The following CHIC2 variants were observed in gnomAD, a reference collection of about 807,000 sequenced individuals.
CHIC2 encodes the protein cysteine-rich hydrophobic domain-containing protein 2.
A neutral mutation model predicts 25.9 loss-of-function variants in CHIC2; 14 were observed. The observed-to-expected ratio is 0.54, with a 90% confidence interval of 0.36 to 0.85. CHIC2 has a LOEUF of 0.85. Ranked by LOEUF, CHIC2 falls within the 40% of genes least tolerant of loss-of-function variation. The pLI is 0.01. For missense variants in CHIC2, 146 were observed against 202.0 expected (o/e 0.72, Z 1.68); for synonymous variants, 70 against 72.0 (o/e 0.97, Z 0.14).
At chr4:54,017,135 C>T (rs1352010069) in intron 3 of CHIC2, among the ~76,000 whole-genome samples, 1 of 151,960 alleles carries the variant, frequency 6.6e-6, no homozygotes, top group African/African-American at 2.4e-5. Context: ...ACAAGGCTGT[C>T]AGGTAGCTAT....
At chr4:54,060,165 T>G (rs568340545) in intron 1 of CHIC2, 2 of 152,164 alleles carry the variant, frequency 1.3e-5, no homozygotes, top group South Asian at 4.1e-4. Context: ...CAATAAACAC[T>G]AAGGTGTTCT....
intron 1 of CHIC2, among the ~76,000 whole-genome samples, chr4:54,058,549 TAC>T (rs35335887): frequency 0.11 from 13,775 of 126,784 alleles, 1,405 homozygotes; most frequent in African/African-American, 0.3. Context: ...CATACACACA[TAC>T]ACACACATAC....
Position 54,064,098 on chromosome 4 carries a change from G to A in CHIC2, c.119+84C>T. ...TTCGGAAGGCCCCCGACACCAGACG[G>A]ACACAGGGGAAACGGGGCTCCCGTG... On this transcript the variant is annotated intron_variant, in intron 1 of 5. Coordinates refer to ENST00000263921, the MANE Select transcript of CHIC2 (RefSeq NM_012110.4). This position sits in a 1 kb window ranked among gnomAD's most constrained non-coding sequence, Gnocchi z 4.2. 8.4e-7 allele frequency: 1 copy of A among 1,195,198 alleles called. No individual in the cohort carries two copies. The highest frequency in any genetic ancestry group is 1.2e-6 in the Non-Finnish European group (1 of 842,310). 74.0% of individuals were successfully genotyped at this position (1,195,198 alleles called of 1,614,324 possible).
intron 3 of CHIC2, among the ~76,000 whole-genome samples, chr4:54,043,662 A>G (rs1008940039): frequency 2.0e-5 from 3 of 152,172 alleles, no homozygotes; most frequent in Admixed American, 2.0e-4. Context: ...AGCACTAAAC[A>G]TGGAAAGGAA....
At chr4:54,067,406 G>A (rs1158033746), upstream of CHIC2, among the ~76,000 whole-genome samples, 5 of 151,880 alleles carry the variant, frequency 3.3e-5, no homozygotes, top group East Asian at 1.9e-4. Flanking sequence ...AGGGGTGAGC[G>A]AACATGAGTC....
chr4:54,049,408 T>C (rs1716936231), intron 1 of CHIC2, 103 bp from the exon 2 acceptor site: 2 of 628,672 alleles, frequency 3.2e-6, no homozygotes, highest in Middle Eastern at 4.4e-4. Context: ...TTTTCACATA[T>C]GGAGGAAGTT....
chr4:54,019,600 C>G (rs535849991), intron 3 of CHIC2, among the ~76,000 whole-genome samples: 1 of 152,172 alleles, frequency 6.6e-6, no homozygotes, highest in African/African-American at 2.4e-5. Flanking sequence ...GGGATTCTCT[C>G]TCTGCAGAAA....
Position 54,064,094 on chromosome 4 carries a change from G to T in CHIC2, c.119+88C>A. 3 of 1,167,618 alleles carry T rather than the reference G, an allele frequency of 2.6e-6. No homozygotes were observed. The highest frequency in any genetic ancestry group is 3.7e-6 in the Non-Finnish European group (3 of 818,910). 72.3% of individuals were successfully genotyped at this position (1,167,618 alleles called of 1,614,324 possible). On this transcript the variant is annotated intron_variant, in intron 1 of 5. Coordinates refer to ENST00000263921, the MANE Select transcript of CHIC2 (RefSeq NM_012110.4). This position sits in a 1 kb window ranked among gnomAD's most constrained non-coding sequence, Gnocchi z 4.2. The stretch of plus-strand genomic sequence containing the variant: ...CTCTTTCGGAAGGCCCCCGACACCA[G>T]ACGGACACAGGGGAAACGGGGCTCC...
chr4:54,081,701 G>A, the CHIC2 span, among the ~76,000 whole-genome samples: 1 of 152,044 alleles, frequency 6.6e-6, no homozygotes, highest in African/African-American at 2.4e-5. Context: ...TGATGTGCTT[G>A]TTTTGGGTTG....
the CHIC2 span, among the ~76,000 whole-genome samples, chr4:54,072,418 A>T: frequency 6.6e-6 from 1 of 152,224 alleles, no homozygotes; most frequent in African/African-American, 2.4e-5. Context: ...GATTACTACT[A>T]GAATCATAGG....
chr4:54,087,775 A>G, the CHIC2 span: 2 of 471,664 alleles, frequency 4.2e-6, no homozygotes, highest in African/African-American at 4.0e-5. Flanking sequence ...GTACCACCAC[A>G]AAGCCCTGTG....
At chr4:54,069,580 T>G (rs2110100324), upstream of CHIC2, among the ~76,000 whole-genome samples, 1 of 152,318 alleles carries the variant, frequency 6.6e-6, no homozygotes, top group South Asian at 2.1e-4. Context: ...ATTACACCGC[T>G]GGCCATTGAC....
In CHIC2 at chr4:54,047,565, C is replaced by T. The variant is rs563139081; in HGVS notation, c.330+1390G>A. On this transcript the variant is annotated intron_variant, in intron 3 of 5. Coordinates refer to ENST00000263921, the MANE Select transcript of CHIC2 (RefSeq NM_012110.4). ...ATCGCAAGGACAAAAAACCAAACAC[C>T]GCATATTCTCACTCATAGGTGGGAA... Among the ~76,000 whole-genome samples the T allele has an allele frequency of 1.0e-3, 152 of 149,524 alleles. 1 individual carries two copies. The highest frequency in any genetic ancestry group is 5.7e-3 in the Admixed American group (84 of 14,828).
At chr4:54,091,700 T>A in the CHIC2 span, among the ~76,000 whole-genome samples, 1,794 of 152,204 alleles carry the variant, frequency 0.012, 15 homozygotes, top group Non-Finnish European at 0.018. Context: ...AATTTAAAAA[T>A]AAAAAAGGAA....
intron 3 of CHIC2, among the ~76,000 whole-genome samples, chr4:54,022,732 G>A (rs549231893): frequency 1.3e-3 from 203 of 151,796 alleles, no homozygotes; most frequent in South Asian, 7.1e-3. Context: ...CCTAGCAACC[G>A]ATCACATGCC....
At chr4:54,046,418 A>C (rs1398261911) in intron 3 of CHIC2, among the ~76,000 whole-genome samples, 1 of 152,214 alleles carries the variant, frequency 6.6e-6, no homozygotes, top group East Asian at 1.9e-4. Flanking sequence ...AGGATACAGT[A>C]ACCAAAACAG....
the CHIC2 span, among the ~76,000 whole-genome samples, chr4:54,088,451 A>T: frequency 6.6e-6 from 1 of 152,238 alleles, no homozygotes; most frequent in Non-Finnish European, 1.5e-5. Context: ...AAAGCAAAAA[A>T]GAAAAAAGAC....
intron 1 of CHIC2, among the ~76,000 whole-genome samples, chr4:54,053,095 G>C (rs909908313): frequency 5.3e-5 from 8 of 152,054 alleles, no homozygotes; most frequent in Admixed American, 5.2e-4. Flanking sequence ...TTCATTTTTA[G>C]ATTTATTTAT....
chr4:54,046,800 G>C (rs1294960650), intron 3 of CHIC2, among the ~76,000 whole-genome samples: 4 of 152,114 alleles, frequency 2.6e-5, no homozygotes, highest in Admixed American at 1.3e-4. Flanking sequence ...CTGACAAATG[G>C]GATCTAATTA....
Sources: gnomAD v4.1 joint callset for allele counts (sites outside exome capture counted in the v4.1 genomes callset) on GRCh38, gnomAD v4.1.1 for gene constraint, Gnocchi (gnomAD v3.1) non-coding constraint, MANE v1.5 for transcripts, NCBI Gene and HGNC (gene_info 2026-07-23, HGNC 2026-07-21) for gene names.